AXDND1: variants seen among roughly 807,000 people sequenced by gnomAD.
AXDND1 encodes the protein axonemal dynein light chain domain-containing protein 1.
A neutral mutation model predicts 137.5 loss-of-function variants in AXDND1; 110 were observed. The ratio of observed to expected loss-of-function variants is 0.80; its 90% CI spans 0.69 to 0.94. The LOEUF (loss-of-function observed/expected upper bound fraction) is 0.94, where lower values mean the gene tolerates loss of function less well. AXDND1 is among the 40% of genes least tolerant of loss of function. AXDND1 has a pLI of 0.00. For missense variants in AXDND1, 1,191 were observed against 1,169.8 expected, an observed-to-expected ratio of 1.02 and a Z score of -0.26; for synonymous variants, 414 against 399.7, an observed-to-expected ratio of 1.04 and a Z score of -0.43.
intron 25 of AXDND1, 134 bp downstream of exon 25, chr1:179,535,096 G>A: frequency 1.5e-6 from 2 of 1,354,804 alleles, no homozygotes; most frequent in Non-Finnish European, 2.1e-6. Context: ...ATAGGAATGT[G>A]CATATTTTAA....
chr1:179,462,193 A>T (rs1488530762), intron 16 of AXDND1, among the ~76,000 whole-genome samples: 1 of 152,150 alleles, frequency 6.6e-6, no homozygotes. Context: ...TGTCATAAAT[A>T]GCTCTTATTA....
chr1:179,412,663 A>G (rs1327005021), intron 12 of AXDND1, among the ~76,000 whole-genome samples: 1 of 151,198 alleles, frequency 6.6e-6, no homozygotes, highest in Non-Finnish European at 1.5e-5. Flanking sequence ...AGGCATTTCC[A>G]TTCAAGAGAG....
chr1:179,400,189 A>G (rs1651740277), intron 11 of AXDND1, among the ~76,000 whole-genome samples: 1 of 152,206 alleles, frequency 6.6e-6, no homozygotes, highest in Admixed American at 6.5e-5. Flanking sequence ...CCATCAATCA[A>G]CGAGTGGATA....
At chr1:179,383,615 A>C in intron 8 of AXDND1, 71 bp downstream of exon 8, 1 of 1,141,530 alleles carries the variant, frequency 8.8e-7, no homozygotes. Context: ...CTAGGTTAGA[A>C]TTCTGACCCT....
At chr1:179,456,541 A>G in intron 16 of AXDND1, 1 of 777,742 alleles carries the variant, frequency 1.3e-6, no homozygotes, top group Non-Finnish European at 2.4e-6. Context: ...ACACTTCCAT[A>G]GCCTCTGCTT....
intron 15 of AXDND1, 129 bp from the exon 16 acceptor site, chr1:179,444,841 G>A (rs1466351161): frequency 2.3e-5 from 13 of 573,530 alleles, no homozygotes; most frequent in Non-Finnish European, 3.9e-5. Flanking sequence ...CCATCTCTTT[G>A]GAGCATAATA....
chr1:179,375,382 G>A (rs925688518), intron 4 of AXDND1, among the ~76,000 whole-genome samples: 1 of 151,854 alleles, frequency 6.6e-6, no homozygotes, highest in South Asian at 2.1e-4. Flanking sequence ...AGGATTATAG[G>A]CGCGAGCCAC....
intron 25 of AXDND1, among the ~76,000 whole-genome samples, chr1:179,541,533 A>G (rs1672140558): frequency 6.6e-6 from 1 of 151,730 alleles, no homozygotes; most frequent in African/African-American, 2.4e-5. Flanking sequence ...GTAGCAGCAT[A>G]TAATAGTTAT....
chr1:179,524,605 CTAAG>C (rs983454840), intron 21 of AXDND1, among the ~76,000 whole-genome samples: 27 of 152,158 alleles, frequency 1.8e-4, no homozygotes, highest in African/African-American at 6.5e-4. Context: ...AAACTGTAAA[CTAAG>C]TGTCATTCAA....
chr1:179,386,050 C>CT (rs71111980), intron 9 of AXDND1, among the ~76,000 whole-genome samples: 20,352 of 102,504 alleles, frequency 0.2, 2,703 homozygotes, highest in East Asian at 0.39. Context: ...GGATTTTTTC[C>CT]TTTTTTTTTT....
chr1:179,503,654 T>A (rs1252631666), intron 20 of AXDND1, among the ~76,000 whole-genome samples: 2 of 152,208 alleles, frequency 1.3e-5, no homozygotes, highest in Middle Eastern at 6.8e-3. Flanking sequence ...GCTGCACCCA[T>A]TAACTTGTCA....
chr1:179,426,634 A>G (rs1656609764), intron 12 of AXDND1, among the ~76,000 whole-genome samples: 1 of 152,256 alleles, frequency 6.6e-6, no homozygotes, highest in African/African-American at 2.4e-5. Context: ...GAATAAGAAT[A>G]TGGATGTTCA....
At chr1:179,448,382 G>A in intron 16 of AXDND1, 1 of 661,140 alleles carries the variant, frequency 1.5e-6, no homozygotes, top group Non-Finnish European at 2.8e-6. Flanking sequence ...CTTTGTAAAA[G>A]TGGCCTCTCA....
intron 22 of AXDND1, 92 bp downstream of exon 22, chr1:179,525,539 C>T (rs988554958): frequency 1.5e-6 from 2 of 1,378,606 alleles, no homozygotes; most frequent in African/African-American, 2.9e-5. Context: ...CCCTGTCACC[C>T]AGGTTGGAGT....
At chr1:179,552,194 G>T in intron 25 of AXDND1, 1 of 244,496 alleles carries the variant, frequency 4.1e-6, no homozygotes, top group South Asian at 6.0e-5. Context: ...GAGGGAACTG[G>T]GCCCTGATCG....
At chr1:179,528,997 T>A (rs56071531) in intron 23 of AXDND1, among the ~76,000 whole-genome samples, 48,375 of 152,110 alleles carry the variant, frequency 0.32, 8,349 homozygotes, top group Middle Eastern at 0.43. Flanking sequence ...CTTTATTGAG[T>A]GCTATGATAA....
chr1:179,553,612 G>A (rs961220893), intron 25 of AXDND1, among the ~76,000 whole-genome samples: 11 of 152,066 alleles, frequency 7.2e-5, no homozygotes, highest in Non-Finnish European at 1.6e-4. Flanking sequence ...AGTACATGGG[G>A]GATTCCCACT....
intron 18 of AXDND1, among the ~76,000 whole-genome samples, chr1:179,488,156 CAA>C (rs1157298958): frequency 2.0e-5 from 3 of 147,494 alleles, no homozygotes; most frequent in African/African-American, 5.2e-5. Context: ...TATATTTTAA[CAA>C]AGTGTTCCCA....
intron 16 of AXDND1, among the ~76,000 whole-genome samples, chr1:179,465,247 G>T (rs1662957614): frequency 6.6e-6 from 1 of 152,174 alleles, no homozygotes; most frequent in Non-Finnish European, 1.5e-5. Context: ...CTCCCCCTTT[G>T]TGGTTTTATC....
Sources: gnomAD v4.1 joint callset for allele counts (sites outside exome capture counted in the v4.1 genomes callset) on GRCh38, gnomAD v4.1.1 for gene constraint, MANE v1.5 for transcripts, NCBI Gene and HGNC (gene_info 2026-07-23, HGNC 2026-07-21) for gene names.